Variants in PLA2G4A observed in about 807,000 individuals in gnomAD.
PLA2G4A encodes the protein phospholipase A2 group IVA.
In PLA2G4A, 40 loss-of-function variants were observed where a neutral mutation model predicts 81.9. That is an observed-to-expected ratio of 0.49 (90% CI 0.38 to 0.64). The LOEUF (loss-of-function observed/expected upper bound fraction) is 0.64, where lower values mean the gene tolerates loss of function less well. Ranked by LOEUF, PLA2G4A falls within the 30% of genes least tolerant of loss-of-function variation. The pLI is 0.00. For missense variants in PLA2G4A, 715 were observed against 905.1 expected (o/e 0.79, Z 2.69); for synonymous variants, 302 against 296.9 (o/e 1.02, Z -0.18).
intron 10 of PLA2G4A, among the ~76,000 whole-genome samples, chr1:186,945,662 G>T (rs1313780093): frequency 6.6e-6 from 1 of 151,990 alleles, no homozygotes; most frequent in Non-Finnish European, 1.5e-5. Context: ...AACCATCAAG[G>T]GTAATCCTGA....
chr1:186,860,130 G>A (rs556597746), intron 2 of PLA2G4A, among the ~76,000 whole-genome samples: 1 of 152,174 alleles, frequency 6.6e-6, no homozygotes, highest in Non-Finnish European at 1.5e-5. Flanking sequence ...GTTCTCTAGA[G>A]GATCAGGACC....
chr1:186,832,977 A>G (rs1158934877), intron 1 of PLA2G4A, among the ~76,000 whole-genome samples: 3 of 152,166 alleles, frequency 2.0e-5, no homozygotes, highest in Admixed American at 2.0e-4. Flanking sequence ...TTTTATTCTC[A>G]TAGACTAATA....
intron 15 of PLA2G4A, 23 bp from the exon 16 acceptor site, chr1:186,977,570 T>C (rs1657575452): frequency 6.4e-7 from 1 of 1,563,320 alleles, no homozygotes; most frequent in African/African-American, 1.4e-5. Flanking sequence ...ATTTCCAAAT[T>C]CATCTTTCCA....
chr1:186,905,647 G>A (rs1165813898), intron 5 of PLA2G4A, among the ~76,000 whole-genome samples: 1 of 152,014 alleles, frequency 6.6e-6, no homozygotes, highest in Non-Finnish European at 1.5e-5. Flanking sequence ...GTCCCCAATA[G>A]TAATCAGCTA....
Position 186,979,377 on chromosome 1 carries a change from G to A in PLA2G4A, c.2023G>A (p.Glu675Lys), listed in dbSNP as rs760805255. 6.2e-7 allele frequency: 1 copy of A among 1,609,428 alleles called. No homozygotes were observed. Among genetic ancestry groups the A allele is most frequent in the South Asian group, 1.1e-5 (1 of 90,984 alleles). Residue 675 changes from glutamate (E) to lysine (K), a missense_variant, in exon 17 of 18, where the codon GAA (glutamate) becomes AAA (lysine). Physicochemically the swap from Glu to Lys is moderately conservative, Grantham distance 56. Coordinates refer to ENST00000367466, the MANE Select transcript of PLA2G4A (RefSeq NM_024420.3). The part of the protein sequence containing the change: ...IADFDIFDDP[E>K]SPFSTFNFQY... ...TGACTTTGATATTTTTGATGACCCAGAATCACCATTTTCAACCTTCAATTT... is the reference window on the plus strand; with the variant it reads ...TGACTTTGATATTTTTGATGACCCAAAATCACCATTTTCAACCTTCAATTT...
intron 13 of PLA2G4A, among the ~76,000 whole-genome samples, chr1:186,954,584 G>A (rs6675277): frequency 0.96 from 145,716 of 152,112 alleles, 69,840 homozygotes; most frequent in East Asian, 1. Context: ...AATTTTAAGT[G>A]TAATAAAAAT....
At chr1:186,962,180 T>A (rs1169977244) in intron 14 of PLA2G4A, among the ~76,000 whole-genome samples, 2 of 152,130 alleles carry the variant, frequency 1.3e-5, no homozygotes, top group African/African-American at 4.8e-5. Flanking sequence ...CATAGTGTTA[T>A]AATTGTTCTC....
chr1:186,885,347 T>C (rs761186586), intron 3 of PLA2G4A, among the ~76,000 whole-genome samples: 37 of 152,184 alleles, frequency 2.4e-4, no homozygotes, highest in Non-Finnish European at 5.9e-5. Flanking sequence ...CCCTTGACTT[T>C]AAGTTGGGAG....
chr1:186,963,340 T>C (rs1571448868), intron 14 of PLA2G4A, among the ~76,000 whole-genome samples: 1 of 152,222 alleles, frequency 6.6e-6, no homozygotes, highest in East Asian at 1.9e-4. Flanking sequence ...CATCGTTACA[T>C]TCCAGGTTCT....
intron 7 of PLA2G4A, 98 bp from the exon 8 acceptor site, chr1:186,932,665 A>T (rs576060550): frequency 1.6e-6 from 2 of 1,234,304 alleles, no homozygotes; most frequent in South Asian, 2.4e-5. Context: ...CTTCTTTGTG[A>T]CAAAATATGG....
intron 1 of PLA2G4A, among the ~76,000 whole-genome samples, chr1:186,840,527 C>G (rs181591619): frequency 2.2e-4 from 34 of 152,250 alleles, no homozygotes; most frequent in Non-Finnish European, 4.3e-4. Flanking sequence ...CAGGTGTACA[C>G]CCTTCTGTGC....
chr1:186,853,283 C>G (rs564015380), intron 1 of PLA2G4A, among the ~76,000 whole-genome samples: 1 of 151,444 alleles, frequency 6.6e-6, no homozygotes, highest in East Asian at 1.9e-4. Flanking sequence ...TAAATCCTCT[C>G]TTTTCCTATT....
chr1:186,848,062 A>G (rs1652249405), intron 1 of PLA2G4A, among the ~76,000 whole-genome samples: 1 of 152,162 alleles, frequency 6.6e-6, no homozygotes, highest in Non-Finnish European at 1.5e-5. Context: ...AAAGAACCTC[A>G]GAAAACGAAA....
Position 186,988,384 on chromosome 1 carries a change from A to G in PLA2G4A, c.2126A>G (p.Lys709Arg), listed in dbSNP as rs1284280489. The G allele has an allele frequency of 6.2e-7, 1 of 1,611,390 alleles. No homozygotes were observed. Among genetic ancestry groups the G allele is most frequent in the Non-Finnish European group, 8.5e-7 (1 of 1,177,954 alleles). ...TTCTGTCTCTATTTGCAGGTGATAA[A>G]AGAAGCCATGGTTGAAAGCATTGAA... is the stretch of plus-strand genomic sequence containing the variant. ...FNTLNNIDVI[K>R]EAMVESIEYR... The change falls in exon 18 of 18, where the codon AAA becomes AGA. Residue 709 changes from lysine (K) to arginine (R), a missense_variant. Physicochemically the swap from Lys to Arg is conservative, Grantham distance 26. Coordinates refer to ENST00000367466, the MANE Select transcript of PLA2G4A (RefSeq NM_024420.3).
intron 14 of PLA2G4A, among the ~76,000 whole-genome samples, chr1:186,962,321 T>TG (rs1656977098): frequency 6.6e-6 from 1 of 152,044 alleles, no homozygotes; most frequent in Non-Finnish European, 1.5e-5. Context: ...GCACATCCAC[T>TG]GGGGGGTCTT....
At chr1:186,896,720 A>T (rs1654344632) in intron 5 of PLA2G4A, among the ~76,000 whole-genome samples, 4 of 152,208 alleles carry the variant, frequency 2.6e-5, no homozygotes, top group Admixed American at 2.6e-4. Flanking sequence ...AATTTAAAGA[A>T]GATTATGTAA....
In PLA2G4A at chr1:186,979,362, AT is replaced by A; in HGVS notation, c.2013del (p.Phe671LeufsTer32). 1 of 1,611,268 alleles carries A rather than the reference AT, an allele frequency of 6.2e-7. No individual in the cohort carries two copies. The highest frequency in any genetic ancestry group is 8.5e-7 in the Non-Finnish European group (1 of 1,177,346). ...EEEKEIADFD[I>X]FDDPESPFST... ...AGAGAAAGAAATCGCTGACTTTGAT[AT>A]TTTTGATGACCCAGAATCACCATTT... On this transcript the variant is annotated frameshift_variant, in exon 17 of 18. Coordinates refer to ENST00000367466, the MANE Select transcript of PLA2G4A (RefSeq NM_024420.3). LOFTEE classifies it high-confidence loss of function.
Position 186,893,282 on chromosome 1 carries a change from G to T in PLA2G4A, c.264+123G>T. 3.6e-6 allele frequency: 3 copies of T among 832,734 alleles called. No homozygotes were observed. In the South Asian group the frequency reaches 4.0e-5, roughly 11 times the overall value. The allele number at this position is 832,734 out of a possible 1,614,324, so 51.6% of individuals were successfully genotyped here. ...TAGTTGGAGTTAGACTGGGCAGCTTGGTAGACTAGAATCTAAATGGTGTCT... is the reference window on the plus strand; with the variant it reads ...TAGTTGGAGTTAGACTGGGCAGCTTTGTAGACTAGAATCTAAATGGTGTCT... On this transcript the variant is annotated intron_variant, in intron 4 of 17. Transcript: ENST00000367466.
intron 16 of PLA2G4A, 149 bp downstream of exon 16, chr1:186,977,937 C>T (rs1657589333): frequency 1.5e-6 from 1 of 670,732 alleles, no homozygotes; most frequent in Non-Finnish European, 2.7e-6. Context: ...ATTCTGAGAC[C>T]TCAAGTACTT....
Sources: gnomAD v4.1 joint callset for allele counts (sites outside exome capture counted in the v4.1 genomes callset) on GRCh38, gnomAD v4.1.1 for gene constraint, MANE v1.5 for transcripts, NCBI Gene and HGNC (gene_info 2026-07-23, HGNC 2026-07-21) for gene names.